XYLT1: variants seen among roughly 807,000 people sequenced by gnomAD.
XYLT1 encodes xylosyltransferase 1.
XYLT1 carries 36 observed loss-of-function variants against 91.3 expected under a neutral mutation model. That is an observed-to-expected ratio of 0.39 (90% CI 0.30 to 0.52). The LOEUF (loss-of-function observed/expected upper bound fraction) is 0.52, where lower values mean the gene tolerates loss of function less well. XYLT1 is among the 20% of genes least tolerant of loss of function. The pLI, the probability that XYLT1 is intolerant of heterozygous loss-of-function variation, is 0.68. For synonymous variants in XYLT1, 588 were observed against 532.0 expected (o/e 1.11, Z -1.45); for missense variants, 1,242 against 1,284.5 (o/e 0.97, Z 0.51).
rs537585931 is a variant in XYLT1 at position 17,108,870 on chromosome 16, A to T, written c.2705T>A (p.Leu902Gln). Residue 902 changes from leucine to glutamine, a missense_variant, in exon 12 of 12, where the codon CTG (leucine) becomes CAG (glutamine). By Grantham distance (113) the Leu-to-Gln change is moderately radical. Transcript: ENST00000261381. ...CACCAACGAGTCCAGCCATCCCTCC[A>T]GCGCTGTGCCCGTGGAGGCTGCGTT... ...RRNAASTGTA[L>Q]EGWLDSLVGG... is the part of the protein sequence containing the mutation. 6.2e-7 allele frequency: 1 copy of T among 1,612,706 alleles called. No homozygotes were observed. The highest frequency in any genetic ancestry group is 8.5e-7 in the Non-Finnish European group (1 of 1,179,306).
At chr16:17,135,962 C>T (rs1437656638) in intron 8 of XYLT1, among the ~76,000 whole-genome samples, 3 of 152,196 alleles carry the variant, frequency 2.0e-5, no homozygotes, top group Non-Finnish European at 4.4e-5. Context: ...AGTTTGCTGA[C>T]CCCTTGTGTA....
At chr16:17,205,274 T>C (rs1219238818) in intron 3 of XYLT1, among the ~76,000 whole-genome samples, 1 of 152,222 alleles carries the variant, frequency 6.6e-6, no homozygotes, top group Non-Finnish European at 1.5e-5. Context: ...TATGTAATCC[T>C]TGGGCTCCAA....
In XYLT1 at chr16:17,259,506, A is replaced by C; in HGVS notation, c.403-8T>G. The stretch of plus-strand genomic sequence containing the variant: ...ATGAGAAAAGTAGCCATCCTGGAGA[A>C]GAGGGGAGAGAAACAGAAGAGAAAC... On this transcript the variant is annotated splice_region_variant and splice_polypyrimidine_tract_variant and intron_variant, in intron 2 of 11. Transcript: ENST00000261381. 1 of 1,600,898 alleles carries C rather than the reference A, an allele frequency of 6.2e-7. No individual in the cohort carries two copies. The highest frequency in any genetic ancestry group is 1.7e-4 in the Middle Eastern group (1 of 6,038).
chr16:17,124,215 A>C (rs772079580), intron 10 of XYLT1, among the ~76,000 whole-genome samples: 1 of 152,218 alleles, frequency 6.6e-6, no homozygotes, highest in Non-Finnish European at 1.5e-5. Context: ...GTTGTTTTGC[A>C]GGACCTGTGA....
intron 2 of XYLT1, among the ~76,000 whole-genome samples, chr16:17,267,121 G>A (rs2033818868): frequency 6.6e-6 from 1 of 152,204 alleles, no homozygotes; most frequent in Non-Finnish European, 1.5e-5. Flanking sequence ...AGGCAGGAAG[G>A]AGTGAGACTG....
At position 17,259,212 on chromosome 16, in the gene XYLT1, C is replaced by T. The variant is rs746038429; in HGVS notation, c.689G>A (p.Gly230Glu). The T allele has an allele frequency of 1.2e-6, 2 of 1,613,924 alleles. No homozygotes were observed. Among genetic ancestry groups the T allele is most frequent in the Admixed American group, 1.7e-5 (1 of 59,960 alleles). The stretch of plus-strand genomic sequence containing the variant: ...ATGAGGCGGTCTGGACACATCCTTC[C>T]CGTGGCTGCTGTTGGCTGCGGCTCT... ...GDRAAANSSH[G>E]KDVSRPPHAR... Residue 230 changes from glycine to glutamate, a missense_variant, in exon 3 of 12, where the codon GGG becomes GAG. Gly to Glu is a moderately conservative substitution (Grantham distance 98, BLOSUM62 -2). Transcript: ENST00000261381.
At chr16:17,304,892 C>T (rs2034449165) in intron 2 of XYLT1, among the ~76,000 whole-genome samples, 1 of 152,160 alleles carries the variant, frequency 6.6e-6, no homozygotes, top group Admixed American at 6.5e-5. Context: ...TAACACTACC[C>T]TATGACATTT....
intron 3 of XYLT1, among the ~76,000 whole-genome samples, chr16:17,254,509 C>T (rs1244880956): frequency 2.0e-5 from 3 of 152,208 alleles, no homozygotes; most frequent in Non-Finnish European, 2.9e-5. Flanking sequence ...ATTCTCCTGC[C>T]TCAGCCTCCC....
At position 17,107,842 on chromosome 16, in the gene XYLT1, C is replaced by T. The variant is rs1280822924; in HGVS notation, c.*853G>A. ...TGGTCTTGAGTCTGGTGCTCACAAA[C>T]ATCATCCTATTTCTGCTACTTTGTG... On this transcript the variant is annotated 3_prime_UTR_variant, in exon 12 of 12. Coordinates refer to ENST00000261381, the MANE Select transcript of XYLT1 (RefSeq NM_022166.4). The T allele has an allele frequency of 6.5e-6, 1 of 152,684 alleles. No individual in the cohort carries two copies. Among genetic ancestry groups the T allele is most frequent in the Non-Finnish European group, 1.5e-5 (1 of 68,060 alleles). The allele number at this position is 152,684 out of a possible 1,614,324, so 9.5% of individuals were successfully genotyped here. A position where few individuals can be genotyped will look rare whatever the true frequency, so the allele number is the denominator to read the frequency against.
chr16:17,178,642 A>T (rs1430089002), intron 5 of XYLT1, among the ~76,000 whole-genome samples: 2 of 152,238 alleles, frequency 1.3e-5, no homozygotes, highest in East Asian at 3.8e-4. Flanking sequence ...AGAAAATTTT[A>T]CTGGAACACA....
chr16:17,372,746 C>T (rs992607308), intron 1 of XYLT1, among the ~76,000 whole-genome samples: 8 of 152,126 alleles, frequency 5.3e-5, no homozygotes, highest in African/African-American at 1.7e-4. Flanking sequence ...AATTATTTTC[C>T]GTTTGAACTT....
intron 3 of XYLT1, among the ~76,000 whole-genome samples, chr16:17,230,314 C>T (rs1253759959): frequency 1.3e-5 from 2 of 152,164 alleles, no homozygotes; most frequent in Non-Finnish European, 2.9e-5. Context: ...TGATCCTGTC[C>T]CTGTCCACCT....
intron 6 of XYLT1, among the ~76,000 whole-genome samples, chr16:17,144,741 AG>A (rs754409811): frequency 6.6e-6 from 1 of 152,210 alleles, no homozygotes; most frequent in Non-Finnish European, 1.5e-5. Context: ...TTTATGATGA[AG>A]GGGATCTAAG....
intron 2 of XYLT1, among the ~76,000 whole-genome samples, chr16:17,318,742 T>C (rs1343441901): frequency 6.6e-6 from 1 of 151,894 alleles, no homozygotes; most frequent in Non-Finnish European, 1.5e-5. Flanking sequence ...AAAGCAAGGA[T>C]TATGATGACA....
intron 2 of XYLT1, among the ~76,000 whole-genome samples, chr16:17,315,011 G>A (rs953005246): frequency 9.2e-5 from 14 of 152,324 alleles, no homozygotes; most frequent in African/African-American, 3.1e-4. Flanking sequence ...GAGGAGCCAC[G>A]TGGCGGGTTA....
intron 11 of XYLT1, among the ~76,000 whole-genome samples, chr16:17,111,226 T>C (rs1966840133): frequency 6.6e-6 from 1 of 151,908 alleles, no homozygotes; most frequent in Non-Finnish European, 1.5e-5. Flanking sequence ...TACGTAAGAG[T>C]GACTACTACT....
chr16:17,175,469 T>G (rs768767076), intron 5 of XYLT1, among the ~76,000 whole-genome samples: 2 of 152,142 alleles, frequency 1.3e-5, no homozygotes, highest in Admixed American at 1.3e-4. Context: ...AGAGGTTAAG[T>G]GACTTGGCCT....
At chr16:17,379,761 T>TCACACA (rs1466780792) in intron 1 of XYLT1, among the ~76,000 whole-genome samples, 131 of 117,720 alleles carry the variant, frequency 1.1e-3, no homozygotes, top group African/African-American at 4.6e-3. Context: ...TCTCTCTCTC[T>TCACACA]CTCACACACA....
chr16:17,413,375 G>C (rs1177241794), intron 1 of XYLT1, among the ~76,000 whole-genome samples: 4 of 151,896 alleles, frequency 2.6e-5, no homozygotes, highest in African/African-American at 9.7e-5. Flanking sequence ...TAATGCATTT[G>C]TCTATTTGCC....
Sources: gnomAD v4.1 joint callset for allele counts (sites outside exome capture counted in the v4.1 genomes callset) on GRCh38, gnomAD v4.1.1 for gene constraint, MANE v1.5 for transcripts, NCBI Gene and HGNC (gene_info 2026-07-23, HGNC 2026-07-21) for gene names.